The following MMP26 variants were observed in gnomAD, a reference collection of about 807,000 sequenced individuals.
MMP26 encodes matrix metalloproteinase-26.
In MMP26, 33 loss-of-function variants were observed where a neutral mutation model predicts 31.0. That is an observed-to-expected ratio of 1.06 (90% CI 0.81 to 1.42). The LOEUF (loss-of-function observed/expected upper bound fraction) is 1.42. Among genes scored for constraint, MMP26 ranks in the 40% most tolerant of loss-of-function variants. The probability of loss-of-function intolerance (pLI) is 0.00; values close to 1 mark genes in which losing one functional copy is unlikely to be tolerated. For missense variants in MMP26, 347 were observed against 316.1 expected (o/e 1.10, Z -0.74); for synonymous variants, 122 against 114.9 (o/e 1.06, Z -0.40).
At chr11:4,714,410 C>T (rs1254605065) in intron 1 of MMP26, among the ~76,000 whole-genome samples, 1 of 152,182 alleles carries the variant, frequency 6.6e-6, no homozygotes, top group East Asian at 1.9e-4. Context: ...ATAACTGCCA[C>T]TGAAGGTCCT....
chr11:4,888,583 G>A (rs972354854), intron 2 of MMP26, among the ~76,000 whole-genome samples: 3 of 152,068 alleles, frequency 2.0e-5, no homozygotes, highest in Non-Finnish European at 4.4e-5. Context: ...TTTACCAAAA[G>A]CACAATCATC....
At chr11:4,962,830 G>A (rs1471493841) in intron 2 of MMP26, among the ~76,000 whole-genome samples, 5 of 152,152 alleles carry the variant, frequency 3.3e-5, no homozygotes, top group African/African-American at 4.8e-5. Context: ...GAACTTCTGG[G>A]TTGAGCTGGT....
At chr11:4,728,637 A>T (rs2133281768) in intron 1 of MMP26, among the ~76,000 whole-genome samples, 1 of 152,228 alleles carries the variant, frequency 6.6e-6, no homozygotes, top group East Asian at 1.9e-4. Context: ...CTATTTCAGA[A>T]TTTTTTTCTG....
chr11:4,737,129 G>A (rs1371629927), intron 1 of MMP26: 1 of 152,184 alleles, frequency 6.6e-6, no homozygotes, highest in Non-Finnish European at 1.5e-5. Flanking sequence ...TAATTCTGTT[G>A]CAATAAATGT....
chr11:4,754,118 A>G (rs769015151), intron 1 of MMP26, among the ~76,000 whole-genome samples: 4 of 147,336 alleles, frequency 2.7e-5, no homozygotes, highest in Admixed American at 6.7e-5. Flanking sequence ...TTTTTTACAG[A>G]TGCATAAACT....
At chr11:4,709,066 G>A (rs745667225) in intron 1 of MMP26, among the ~76,000 whole-genome samples, 9 of 152,034 alleles carry the variant, frequency 5.9e-5, no homozygotes, top group Non-Finnish European at 1.3e-4. Context: ...ACTAGAAAAT[G>A]TTTAATATTA....
At chr11:4,755,361 CA>C in intron 1 of MMP26, among the ~76,000 whole-genome samples, 1 of 151,896 alleles carries the variant, frequency 6.6e-6, no homozygotes, top group East Asian at 1.9e-4. Context: ...GATATAAAGT[CA>C]AAATATCAGC....
At chr11:4,960,764 G>C (rs778255905) in intron 2 of MMP26, among the ~76,000 whole-genome samples, 1 of 151,868 alleles carries the variant, frequency 6.6e-6, no homozygotes, top group Non-Finnish European at 1.5e-5. Context: ...CATTTAAAAA[G>C]GGGATTTATT....
intron 2 of MMP26, among the ~76,000 whole-genome samples, chr11:4,969,660 C>T (rs944817138): frequency 2.0e-5 from 3 of 152,046 alleles, no homozygotes; most frequent in African/African-American, 7.2e-5. Context: ...TTAATTTTAA[C>T]TGCATCTTTA....
At chr11:4,882,776 AT>A (rs1188166952) in intron 2 of MMP26, 1 of 1,613,804 alleles carries the variant, frequency 6.2e-7, no homozygotes, top group South Asian at 1.1e-5. Flanking sequence ...GAACCCTATC[AT>A]TTACAGCTTG....
intron 2 of MMP26, among the ~76,000 whole-genome samples, chr11:4,782,820 T>A (rs535842507): frequency 6.6e-6 from 1 of 152,328 alleles, no homozygotes; most frequent in South Asian, 2.1e-4. Flanking sequence ...GGGGCCAATG[T>A]AGAGCTGTGG....
At chr11:4,827,912 C>T (rs1589913435) in intron 2 of MMP26, among the ~76,000 whole-genome samples, 1 of 151,284 alleles carries the variant, frequency 6.6e-6, no homozygotes, top group African/African-American at 2.4e-5. Context: ...ACCTGGTGAC[C>T]CTGTAGCCTT....
At chr11:4,965,595 A>G (rs542118636) in intron 2 of MMP26, among the ~76,000 whole-genome samples, 168 of 152,324 alleles carry the variant, frequency 1.1e-3, no homozygotes, top group Non-Finnish European at 2.0e-3. Flanking sequence ...AATAAAAACT[A>G]GAAAGACTAC....
intron 2 of MMP26, among the ~76,000 whole-genome samples, chr11:4,790,531 T>C (rs1209909037): frequency 2.0e-5 from 3 of 152,182 alleles, no homozygotes; most frequent in Admixed American, 2.0e-4. Flanking sequence ...CAGAAGAAGG[T>C]ATGTAATTGC....
intron 2 of MMP26, chr11:4,821,370 T>C: frequency 1.3e-6 from 2 of 1,590,210 alleles, no homozygotes; most frequent in African/African-American, 1.3e-5. Context: ...AAACTATGTA[T>C]TATGTGTTAT....
chr11:4,857,430 G>C (rs1564794984), intron 2 of MMP26, among the ~76,000 whole-genome samples: 1 of 152,002 alleles, frequency 6.6e-6, no homozygotes, highest in Admixed American at 6.6e-5. Flanking sequence ...ACTACCATCA[G>C]AGAATACTAT....
intron 2 of MMP26, chr11:4,769,109 G>A: frequency 1.2e-6 from 2 of 1,600,878 alleles, no homozygotes; most frequent in South Asian, 1.1e-5. Flanking sequence ...TACTCTGGGG[G>A]CTGACCGACC....
chr11:4,981,543 A>G (rs1846813670), intron 2 of MMP26, among the ~76,000 whole-genome samples: 1 of 152,196 alleles, frequency 6.6e-6, no homozygotes, highest in South Asian at 2.1e-4. Context: ...TAAAAGGAGC[A>G]TGTGGGCCTA....
At chr11:4,848,279 T>G (rs1431406207) in intron 2 of MMP26, 4 of 1,613,556 alleles carry the variant, frequency 2.5e-6, no homozygotes, top group Non-Finnish European at 3.4e-6. Flanking sequence ...ACCTGTTGAG[T>G]ATTCTCTTTC....
Sources: gnomAD v4.1 joint callset for allele counts (sites outside exome capture counted in the v4.1 genomes callset) on GRCh38, gnomAD v4.1.1 for gene constraint, MANE v1.5 for transcripts, NCBI Gene and HGNC (gene_info 2026-07-23, HGNC 2026-07-21) for gene names.